DPH6: variants seen among roughly 807,000 people sequenced by gnomAD.
DPH6 encodes the protein diphthamine biosynthesis 6.
A neutral mutation model predicts 38.2 loss-of-function variants in DPH6; 33 were observed. The ratio of observed to expected loss-of-function variants is 0.86; its 90% CI spans 0.65 to 1.15. The LOEUF (loss-of-function observed/expected upper bound fraction) is 1.15, where lower values mean the gene tolerates loss of function less well. Among genes scored for constraint, DPH6 ranks in the 50% most tolerant of loss-of-function variants. The probability of loss-of-function intolerance (pLI) is 0.00; values close to 1 mark genes in which losing one functional copy is unlikely to be tolerated. For missense variants in DPH6, 325 were observed against 320.0 expected (o/e 1.02, Z -0.12); for synonymous variants, 108 against 103.0 (o/e 1.05, Z -0.30).
intron 1 of DPH6, among the ~76,000 whole-genome samples, chr15:35,545,540 A>G (rs908673510): frequency 6.6e-6 from 1 of 152,216 alleles, no homozygotes; most frequent in African/African-American, 2.4e-5. Flanking sequence ...AGGCAGAAAC[A>G]CACACATGCC....
intron 3 of DPH6, among the ~76,000 whole-genome samples, chr15:35,229,120 T>C (rs1392135017): frequency 6.6e-6 from 1 of 152,172 alleles, no homozygotes; most frequent in Non-Finnish European, 1.5e-5. Flanking sequence ...TCTGTTATTA[T>C]TGCTTTGAAT....
At chr15:35,412,910 C>T (rs2053385708) in intron 5 of DPH6, among the ~76,000 whole-genome samples, 1 of 151,602 alleles carries the variant, frequency 6.6e-6, no homozygotes. Context: ...ATGATGAATA[C>T]ATGTTATTAT....
At chr15:35,212,205 T>C in the DPH6 span, among the ~76,000 whole-genome samples, 1 of 151,980 alleles carries the variant, frequency 6.6e-6, no homozygotes, top group African/African-American at 2.4e-5. Flanking sequence ...TCCAATTCAG[T>C]GGGAAACTGT....
chr15:35,388,630 G>T (rs1376359030), intron 6 of DPH6, among the ~76,000 whole-genome samples: 1 of 152,192 alleles, frequency 6.6e-6, no homozygotes, highest in Non-Finnish European at 1.5e-5. Flanking sequence ...TATTTGCATA[G>T]AGGTGTTTAT....
chr15:35,252,206 C>T (rs571554686), intron 3 of DPH6, among the ~76,000 whole-genome samples: 18 of 152,326 alleles, frequency 1.2e-4, no homozygotes, highest in African/African-American at 4.3e-4. Flanking sequence ...AGTGCTTTAC[C>T]TATATCAGCC....
At chr15:35,171,868 T>TC in the DPH6 span, among the ~76,000 whole-genome samples, 10,625 of 151,194 alleles carry the variant, frequency 0.07, 526 homozygotes, top group East Asian at 0.29. Context: ...TATTCTTTAT[T>TC]TTTATTTTTA....
chr15:35,234,204 G>C (rs1190699428), intron 3 of DPH6, among the ~76,000 whole-genome samples: 1 of 152,226 alleles, frequency 6.6e-6, no homozygotes, highest in Non-Finnish European at 1.5e-5. Context: ...CCCAGATTGA[G>C]CCTGTAGCAA....
chr15:35,244,391 T>C (rs1473131951), intron 3 of DPH6, among the ~76,000 whole-genome samples: 1 of 152,240 alleles, frequency 6.6e-6, no homozygotes, highest in Non-Finnish European at 1.5e-5. Flanking sequence ...GGGAGCTTCC[T>C]GAATGATTGA....
chr15:35,202,156 G>A, the DPH6 span, among the ~76,000 whole-genome samples: 1 of 151,638 alleles, frequency 6.6e-6, no homozygotes, highest in Admixed American at 6.6e-5. Context: ...ATAGAATTCT[G>A]TGCATTCTTG....
intron 3 of DPH6, among the ~76,000 whole-genome samples, chr15:35,303,323 A>C (rs1161653172): frequency 6.6e-6 from 1 of 151,674 alleles, no homozygotes; most frequent in African/African-American, 2.4e-5. Context: ...TAAATATAAA[A>C]TATTTTAAAA....
intron 3 of DPH6, among the ~76,000 whole-genome samples, chr15:35,279,068 A>AAAAATATATATATAT (rs1555390826): frequency 9.7e-6 from 1 of 102,992 alleles, no homozygotes; most frequent in African/African-American, 4.8e-5. Context: ...AAAAAAAAAA[A>AAAAATATATATATAT]ATATATATAT....
At chr15:35,514,820 C>G (rs981119633) in intron 3 of DPH6, among the ~76,000 whole-genome samples, 2 of 152,182 alleles carry the variant, frequency 1.3e-5, no homozygotes, top group Non-Finnish European at 2.9e-5. Context: ...AAGTCCCCAA[C>G]AGGCCCAGAT....
chr15:35,543,266 A>T (rs1320294319), intron 1 of DPH6, among the ~76,000 whole-genome samples: 3 of 10,966 alleles, frequency 2.7e-4, no homozygotes, highest in Non-Finnish European at 1.1e-3. Context: ...CATAATATAT[A>T]TATATATATA....
intron 3 of DPH6, among the ~76,000 whole-genome samples, chr15:35,474,044 GA>G (rs1355849307): frequency 6.6e-6 from 1 of 151,802 alleles, no homozygotes; most frequent in African/African-American, 2.4e-5. Context: ...GTTGGAGGGG[GA>G]AGGAAACTGA....
chr15:35,441,756 C>T lies in DPH6; in HGVS notation c.505+8929G>A, dbSNP rs911041265. ...GCAAACCACCATGGTACATGTATACCTATTTAATAAACCTGCATGTTCTGC... is the reference window on the plus strand; with the variant it reads ...GCAAACCACCATGGTACATGTATACTTATTTAATAAACCTGCATGTTCTGC... On this transcript the variant is annotated intron_variant, in intron 5 of 8. Coordinates refer to ENST00000256538, the MANE Select transcript of DPH6 (RefSeq NM_080650.4). 3.3e-5 allele frequency among the ~76,000 whole-genome samples: 5 copies of T among 151,604 alleles called. 1 individual carries two copies. Among genetic ancestry groups the T allele is most frequent in the African/African-American group, 1.2e-4 (5 of 41,194 alleles).
chr15:35,343,292 A>C (rs1484764623), intron 3 of DPH6, among the ~76,000 whole-genome samples: 1 of 152,130 alleles, frequency 6.6e-6, no homozygotes, highest in Admixed American at 6.6e-5. Flanking sequence ...CATTTAAATT[A>C]TTACCAGGTA....
At chr15:35,226,203 T>A (rs2051479611) in intron 3 of DPH6, among the ~76,000 whole-genome samples, 1 of 152,164 alleles carries the variant, frequency 6.6e-6, no homozygotes, top group Admixed American at 6.5e-5. Flanking sequence ...AATGTTCATG[T>A]ATCTATTCGG....
At chr15:35,215,935 A>G (rs2051409184), downstream of DPH6, among the ~76,000 whole-genome samples, 1 of 152,222 alleles carries the variant, frequency 6.6e-6, no homozygotes, top group African/African-American at 2.4e-5. Context: ...CTACTAAGTC[A>G]TATTACTTTT....
chr15:35,305,284 C>G (rs986372505), intron 3 of DPH6, among the ~76,000 whole-genome samples: 5 of 151,990 alleles, frequency 3.3e-5, no homozygotes, highest in Admixed American at 6.6e-5. Context: ...TAATAACACC[C>G]CTTACACTCA....
Sources: allele counts gnomAD v4.1 joint callset (sites outside exome capture counted in the v4.1 genomes callset), GRCh38; gene constraint gnomAD v4.1.1; transcripts MANE v1.5; gene names NCBI Gene and HGNC (gene_info 2026-07-23, HGNC 2026-07-21).